LGMN: variants seen among roughly 807,000 people sequenced by gnomAD.
The protein encoded by LGMN is legumain.
A neutral mutation model predicts 56.8 loss-of-function variants in LGMN; 36 were observed. The ratio of observed to expected loss-of-function variants is 0.63; its 90% CI spans 0.49 to 0.84. The LOEUF (loss-of-function observed/expected upper bound fraction) is 0.84, where lower values mean the gene tolerates loss of function less well. Ranked by LOEUF, LGMN falls within the 40% of genes least tolerant of loss-of-function variation. The pLI is 0.00. For missense variants in LGMN, 446 were observed against 556.1 expected, an observed-to-expected ratio of 0.80 and a Z score of 1.99; for synonymous variants, 199 against 210.1, an observed-to-expected ratio of 0.95 and a Z score of 0.46.
chr14:92,738,584 A>G (rs1419318122), intron 1 of LGMN, among the ~76,000 whole-genome samples: 1 of 151,960 alleles, frequency 6.6e-6, no homozygotes, highest in Admixed American at 6.6e-5. Flanking sequence ...AGCCAAAAAA[A>G]ATGACATTTT....
chr14:92,724,044 T>C (rs1566927696), intron 2 of LGMN, among the ~76,000 whole-genome samples: 1 of 152,222 alleles, frequency 6.6e-6, no homozygotes, highest in Non-Finnish European at 1.5e-5. Context: ...CAAAGGATCA[T>C]ACTGGGATGA....
intron 1 of LGMN, chr14:92,741,102 G>C (rs1193631845): frequency 6.6e-6 from 1 of 151,794 alleles, no homozygotes; most frequent in Non-Finnish European, 1.5e-5. Flanking sequence ...CAGGAGAATT[G>C]CTTGAACCCG....
chr14:92,720,242 C>T (rs1351332405), intron 2 of LGMN, among the ~76,000 whole-genome samples: 1 of 152,190 alleles, frequency 6.6e-6, no homozygotes, highest in African/African-American at 2.4e-5. Flanking sequence ...CTTTGTAGGC[C>T]TTATCTCGTT....
At chr14:92,743,715 T>A (rs1041726122) in intron 1 of LGMN, among the ~76,000 whole-genome samples, 2 of 147,880 alleles carry the variant, frequency 1.4e-5, no homozygotes, top group Non-Finnish European at 3.0e-5. Flanking sequence ...ACATGAGAAC[T>A]GCTTGAGTCC....
chr14:92,735,159 G>T (rs1470702486), intron 1 of LGMN, among the ~76,000 whole-genome samples: 1 of 152,162 alleles, frequency 6.6e-6, no homozygotes, highest in Non-Finnish European at 1.5e-5. Context: ...GGTCACCTGG[G>T]GATCTAGGAG....
intron 1 of LGMN, among the ~76,000 whole-genome samples, chr14:92,738,909 C>T (rs2140275066): frequency 6.6e-6 from 1 of 151,704 alleles, no homozygotes; most frequent in South Asian, 2.1e-4. Context: ...GTCCCAGCTA[C>T]TCTGGAGGCT....
At chr14:92,711,333 A>G (rs915336194) in intron 10 of LGMN, among the ~76,000 whole-genome samples, 1 of 152,198 alleles carries the variant, frequency 6.6e-6, no homozygotes, top group African/African-American at 2.4e-5. Context: ...GCTGCACACT[A>G]GGCCTGTGTT....
chr14:92,728,145 C>A (rs1227104846), intron 2 of LGMN, among the ~76,000 whole-genome samples: 1 of 152,182 alleles, frequency 6.6e-6, no homozygotes, highest in East Asian at 1.9e-4. Context: ...CGGTCCACGA[C>A]CTTTTTGGCA....
rs1311144178 is a variant in LGMN, at chr14:92,713,375, C to G, written c.543+448G>C. The stretch of plus-strand genomic sequence containing the variant: ...GACTACAGGAGTGAGCCACCACACC[C>G]AGCCAAAAACTCTGGCCCTGCACAG... On this transcript the variant is annotated intron_variant, in intron 7 of 13. Coordinates refer to ENST00000334869, the MANE Select transcript of LGMN (RefSeq NM_005606.7). 2.6e-5 allele frequency among the ~76,000 whole-genome samples: 4 copies of G among 152,140 alleles called. No homozygotes were observed. In the East Asian group the frequency reaches 7.7e-4, roughly 29 times the overall value.
chr14:92,739,486 A>G (rs1193833786), intron 1 of LGMN, among the ~76,000 whole-genome samples: 1 of 152,058 alleles, frequency 6.6e-6, no homozygotes, highest in Non-Finnish European at 1.5e-5. Flanking sequence ...CATCCAACAA[A>G]CACGGACTGA....
rs1889435057 is a variant in LGMN, at chr14:92,706,494, G to A, written c.1180C>T (p.His394Tyr). Residue 394 changes from histidine to tyrosine, a missense_variant, in exon 12 of 14, where the codon CAC becomes TAC. Coordinates refer to ENST00000334869, the MANE Select transcript of LGMN (RefSeq NM_005606.7). The stretch of plus-strand genomic sequence containing the variant: ...GCCTGCTGGCTCACCGTGGGGGAGT[G>A]CCAGTTGAAGCAGTGGGTCCGGAAG... The part of the protein sequence containing the change: ...LHFRTHCFNW[H>Y]SPTYEYALRH... 2 of 1,551,378 alleles carry A rather than the reference G, an allele frequency of 1.3e-6. No individual in the cohort carries two copies. The highest frequency in any genetic ancestry group is 1.8e-6 in the Non-Finnish European group (2 of 1,137,022).
intron 3 of LGMN, among the ~76,000 whole-genome samples, chr14:92,717,807 G>C (rs938516475): frequency 2.0e-5 from 3 of 152,208 alleles, no homozygotes; most frequent in Non-Finnish European, 4.4e-5. Flanking sequence ...TTCAGAAAGA[G>C]ACAGGACAGA....
chr14:92,719,139 CGCCACCACCACCGCCACT>C (rs1275907710), intron 2 of LGMN, among the ~76,000 whole-genome samples: 6 of 145,282 alleles, frequency 4.1e-5, no homozygotes, highest in Non-Finnish European at 6.1e-5. Flanking sequence ...CCACCGCCAC[CGCCACCACCACCGCCACT>C]GCCACCACCA....
intron 1 of LGMN, among the ~76,000 whole-genome samples, chr14:92,737,691 T>C (rs1411895562): frequency 6.6e-6 from 1 of 152,256 alleles, no homozygotes; most frequent in Admixed American, 6.5e-5. Flanking sequence ...ATAAATCACT[T>C]TCTTTGTACC....
intron 12 of LGMN, 53 bp downstream of exon 12, chr14:92,706,430 C>A: frequency 7.2e-7 from 1 of 1,396,380 alleles, no homozygotes. Flanking sequence ...TGCCAGGGGA[C>A]AATATGAATT....
chr14:92,714,548 G>T lies in LGMN; in HGVS notation c.405-97C>A. The T allele has an allele frequency of 1.1e-6, 1 of 900,700 alleles. No homozygotes were observed. The allele number at this position is 900,700 out of a possible 1,614,324, so 55.8% of individuals were successfully genotyped here. On this transcript the variant is annotated intron_variant, in intron 5 of 13. Transcript: ENST00000334869. The surrounding 1 kb of genome is among the most constrained non-coding windows in gnomAD (Gnocchi z 5.1). ...CTAATCAAAAAATTAAGAAGTTTGG[G>T]GAGTAGAGTTGCCCAACCAGGTTTG...
chr14:92,738,933 C>T (rs1211129170), intron 1 of LGMN, among the ~76,000 whole-genome samples: 13 of 151,060 alleles, frequency 8.6e-5, no homozygotes, highest in Admixed American at 6.6e-4. Context: ...GCAGGGGAAT[C>T]GCTTGGACCT....
In LGMN at chr14:92,709,874, T is replaced by C; in HGVS notation, c.820-2A>G. The C allele has an allele frequency of 1.3e-6, 2 of 1,596,524 alleles. No individual in the cohort carries two copies. Among genetic ancestry groups the C allele is most frequent in the Non-Finnish European group, 1.7e-6 (2 of 1,169,768 alleles). On this transcript the variant is annotated splice_acceptor_variant, in intron 10 of 13. Transcript: ENST00000334869. LOFTEE classifies it high-confidence loss of function. ...CATCACTTTCATGGTGGAGATTGTC[T>C]GGGGAGACAGACAGCAAGAGAGAGC...
intron 2 of LGMN, among the ~76,000 whole-genome samples, chr14:92,728,484 A>C (rs562454021): frequency 6.6e-6 from 1 of 152,318 alleles, no homozygotes. Context: ...TGTGTATCTA[A>C]ACATAGGAAA....
Sources: gnomAD v4.1 joint callset for allele counts (sites outside exome capture counted in the v4.1 genomes callset) on GRCh38, gnomAD v4.1.1 for gene constraint, Gnocchi (gnomAD v3.1) non-coding constraint, MANE v1.5 for transcripts, NCBI Gene and HGNC (gene_info 2026-07-23, HGNC 2026-07-21) for gene names.